MCC: variants seen among roughly 807,000 people sequenced by gnomAD.
The protein encoded by MCC is MCC regulator of Wnt signaling pathway, also known as colorectal mutant cancer protein.
MCC carries 90 observed loss-of-function variants against 116.2 expected under a neutral mutation model. The observed-to-expected ratio is 0.77, with a 90% CI of 0.65 to 0.92. The LOEUF (loss-of-function observed/expected upper bound fraction) is 0.92, where lower values mean the gene tolerates loss of function less well. MCC is among the 40% of genes least tolerant of loss of function. The pLI is 0.00. For synonymous variants in MCC, 578 were observed against 510.5 expected (o/e 1.13, Z -1.78); for missense variants, 1,516 against 1,312.2 (o/e 1.16, Z -2.40).
intron 1 of MCC, among the ~76,000 whole-genome samples, chr5:113,481,517 T>G (rs1312336771): frequency 6.6e-6 from 1 of 151,998 alleles, no homozygotes; most frequent in Non-Finnish European, 1.5e-5. Context: ...GGCGGGTGGA[T>G]CACAAGGTCA....
chr5:113,097,775 G>A (rs1266655128), intron 8 of MCC, among the ~76,000 whole-genome samples: 4 of 152,210 alleles, frequency 2.6e-5, no homozygotes, highest in African/African-American at 9.6e-5. Context: ...CTCCTGCCTC[G>A]GCCTCCCAGA....
In MCC at chr5:113,077,540, C is replaced by T. The variant is rs1754542246; in HGVS notation, c.1784+5320G>A. Among the ~76,000 whole-genome samples the T allele has an allele frequency of 5.3e-5, 8 of 152,312 alleles. No individual in the cohort carries two copies. The South Asian group carries it at 1.2e-3, about 24-fold the overall frequency. On this transcript the variant is annotated intron_variant, in intron 11 of 18. Coordinates refer to ENST00000408903, the MANE Select transcript of MCC (RefSeq NM_001085377.2). ...CATAACTACATGGAAACTGAACAAC[C>T]TGCTCCTGAATGACTACTGGGTACA...
At chr5:113,138,486 C>T (rs1758978453) in intron 5 of MCC, among the ~76,000 whole-genome samples, 1 of 152,166 alleles carries the variant, frequency 6.6e-6, no homozygotes, top group Admixed American at 6.5e-5. Flanking sequence ...TCTCTTCCCT[C>T]CATGTGAGGA....
intron 11 of MCC, among the ~76,000 whole-genome samples, chr5:113,072,517 G>C (rs907061716): frequency 6.6e-6 from 1 of 152,128 alleles, no homozygotes; most frequent in African/African-American, 2.4e-5. Context: ...GCCCATCTCA[G>C]GGCCCTTCTC....
chr5:113,146,792 T>C (rs532862164), intron 4 of MCC, among the ~76,000 whole-genome samples: 7 of 152,300 alleles, frequency 4.6e-5, no homozygotes, highest in African/African-American at 1.4e-4. Flanking sequence ...AAATAAAAAT[T>C]GGTCTCAAAT....
At chr5:113,340,827 T>C in intron 2 of MCC, 97 bp from the exon 3 acceptor site, 1 of 917,712 alleles carries the variant, frequency 1.1e-6, no homozygotes, top group Non-Finnish European at 1.7e-6. Flanking sequence ...AAGCCTTCCA[T>C]GTGCCAGCAT....
At chr5:113,484,621 T>C (rs1580433506) in intron 1 of MCC, among the ~76,000 whole-genome samples, 1 of 152,198 alleles carries the variant, frequency 6.6e-6, no homozygotes, top group Non-Finnish European at 1.5e-5. Context: ...AACGGCAGGA[T>C]AAAGCAAATC....
intron 1 of MCC, among the ~76,000 whole-genome samples, chr5:113,441,896 G>T (rs1771053404): frequency 6.6e-6 from 1 of 152,158 alleles, no homozygotes; most frequent in South Asian, 2.1e-4. Context: ...GTCTATCATT[G>T]GTGGACATTT....
At chr5:113,091,137 G>A (rs546866997) in intron 8 of MCC, among the ~76,000 whole-genome samples, 99 of 152,234 alleles carry the variant, frequency 6.5e-4, no homozygotes, top group Non-Finnish European at 4.9e-4. Context: ...CTGTGCAGCG[G>A]AGTCAACCTT....
chr5:113,189,886 T>C (rs1254115162), intron 3 of MCC, among the ~76,000 whole-genome samples: 3 of 152,186 alleles, frequency 2.0e-5, no homozygotes, highest in Non-Finnish European at 4.4e-5. Context: ...CCAGTGAAGC[T>C]ATATAACATT....
At chr5:113,101,539 G>C in intron 8 of MCC, 200 bp downstream of exon 8, 1 of 578,164 alleles carries the variant, frequency 1.7e-6, no homozygotes, top group South Asian at 2.2e-5. Context: ...AAAAGTGTTT[G>C]CTTTTTTTTT....
chr5:113,273,958 G>A (rs936116902), intron 3 of MCC, among the ~76,000 whole-genome samples: 1 of 152,156 alleles, frequency 6.6e-6, no homozygotes, highest in Non-Finnish European at 1.5e-5. Context: ...GCTCCTCTCA[G>A]GATATTATGT....
At chr5:113,348,358 C>T (rs1437456861) in intron 2 of MCC, among the ~76,000 whole-genome samples, 1 of 152,024 alleles carries the variant, frequency 6.6e-6, no homozygotes, top group African/African-American at 2.4e-5. Context: ...GAAATAATAT[C>T]AAGCATCTTC....
intron 1 of MCC, among the ~76,000 whole-genome samples, chr5:113,444,988 ACTGT>A (rs1311421624): frequency 6.6e-6 from 1 of 152,126 alleles, no homozygotes; most frequent in African/African-American, 2.4e-5. Flanking sequence ...AAAGGGCAGA[ACTGT>A]ATATTTAACA....
rs944124438 is a variant in MCC at position 113,402,310 on chromosome 5, A to C, written c.171-17098T>G. On this transcript the variant is annotated intron_variant, in intron 1 of 18. Transcript: ENST00000408903. ...CTCCGTCTCAAAAAAAAAAAAAAAA[A>C]ACACACTCAGCTAATTTTTTTAATT... 5.5e-5 allele frequency among the ~76,000 whole-genome samples: 8 copies of C among 144,200 alleles called. No individual in the cohort carries two copies. In the South Asian group the frequency reaches 1.1e-3, roughly 20 times the overall value. The allele number at this position is 144,200 out of a possible 152,430, so 94.6% of individuals were successfully genotyped here.
chr5:113,162,775 A>G (rs1277481623), intron 3 of MCC, among the ~76,000 whole-genome samples: 1 of 152,170 alleles, frequency 6.6e-6, no homozygotes, highest in Non-Finnish European at 1.5e-5. Flanking sequence ...CTGGGATTAC[A>G]AGCTAGAGCC....
chr5:113,306,534 G>A (rs979063808), intron 3 of MCC, among the ~76,000 whole-genome samples: 1 of 152,032 alleles, frequency 6.6e-6, no homozygotes, highest in African/African-American at 2.4e-5. Flanking sequence ...CTGGAGAAAT[G>A]TTTATTCAAA....
At chr5:113,402,511 A>T (rs188469485) in intron 1 of MCC, among the ~76,000 whole-genome samples, 1 of 152,240 alleles carries the variant, frequency 6.6e-6, no homozygotes, top group Non-Finnish European at 1.5e-5. Context: ...TTTCAAAGTG[A>T]CCACAATAAA....
intron 8 of MCC, among the ~76,000 whole-genome samples, chr5:113,098,669 A>T (rs1756198706): frequency 1.3e-5 from 2 of 152,220 alleles, no homozygotes; most frequent in South Asian, 2.1e-4. Context: ...TACATTAAAG[A>T]TCTAATTTAA....
Sources: allele counts gnomAD v4.1 joint callset (sites outside exome capture counted in the v4.1 genomes callset), GRCh38; gene constraint gnomAD v4.1.1; transcripts MANE v1.5; gene names NCBI Gene and HGNC (gene_info 2026-07-23, HGNC 2026-07-21).